Variants in RAB30 observed in about 807,000 individuals in gnomAD.
RAB30 encodes ras-related protein Rab-30.
RAB30 carries 9 observed loss-of-function variants against 25.1 expected under a neutral mutation model. That is an observed-to-expected ratio of 0.36 (90% CI 0.22 to 0.63). RAB30 has a LOEUF of 0.63. Ranked by LOEUF, RAB30 falls within the 20% of genes least tolerant of loss-of-function variation. RAB30 has a pLI of 0.69. For missense variants in RAB30, 140 were observed against 243.5 expected, an observed-to-expected ratio of 0.58 and a Z score of 2.83; for synonymous variants, 77 against 86.4, an observed-to-expected ratio of 0.89 and a Z score of 0.60.
At chr11:83,001,046 CAAAAAA>C (rs1181057652) in intron 1 of RAB30, among the ~76,000 whole-genome samples, 15 of 53,638 alleles carry the variant, frequency 2.8e-4, no homozygotes, top group African/African-American at 1.1e-3. Flanking sequence ...GACTCCGTCT[CAAAAAA>C]AAAAAAAAAA....
chr11:83,045,449 C>T (rs1858215648), intron 1 of RAB30, among the ~76,000 whole-genome samples: 2 of 152,084 alleles, frequency 1.3e-5, no homozygotes, highest in African/African-American at 4.8e-5. Flanking sequence ...ATTTATTGAA[C>T]AAATTGTATA....
rs1856531784 is a variant in RAB30 at position 82,975,558 on chromosome 11, T to A, written c.*6607A>T. ...TGGTAATTATGTACATCAAATAATG[T>A]CATATATGAAATTAAAAGCAGATCA... On this transcript the variant is annotated 3_prime_UTR_variant, in exon 5 of 5. Transcript: ENST00000527633. 6.6e-6 allele frequency: 1 copy of A among 152,180 alleles called. No homozygotes were observed. The highest frequency in any genetic ancestry group is 6.6e-5 in the Admixed American group (1 of 15,266). The allele number at this position is 152,180 out of a possible 1,614,324, so 9.4% of individuals were successfully genotyped here.
intron 1 of RAB30, among the ~76,000 whole-genome samples, chr11:83,056,306 A>C (rs1858458071): frequency 6.6e-6 from 1 of 152,124 alleles, no homozygotes; most frequent in African/African-American, 2.4e-5. Context: ...CTTTTATTTC[A>C]CTTAGCATAA....
chr11:83,037,319 G>A (rs1590868508), intron 1 of RAB30, among the ~76,000 whole-genome samples: 1 of 151,194 alleles, frequency 6.6e-6, no homozygotes, highest in South Asian at 2.1e-4. Flanking sequence ...GTGTGATCTC[G>A]GCTCACTGCA....
intron 1 of RAB30, among the ~76,000 whole-genome samples, chr11:83,016,121 G>T (rs991289357): frequency 6.6e-6 from 1 of 152,134 alleles, no homozygotes; most frequent in Non-Finnish European, 1.5e-5. Context: ...CTGGGCAACA[G>T]AGTGAGACTC....
intron 4 of RAB30, among the ~76,000 whole-genome samples, chr11:82,986,028 A>C (rs960713950): frequency 3.3e-5 from 5 of 152,196 alleles, no homozygotes; most frequent in African/African-American, 4.8e-5. Context: ...CAAACGAAAA[A>C]AAATCATGAG....
chr11:82,993,857 C>T (rs966842762), intron 3 of RAB30, among the ~76,000 whole-genome samples, 182 bp downstream of exon 3: 4 of 152,196 alleles, frequency 2.6e-5, no homozygotes, highest in African/African-American at 7.2e-5. Flanking sequence ...ACACATCATC[C>T]AAAATTCCTT....
In RAB30 at chr11:82,984,466, T is replaced by C. The variant is rs150506206; in HGVS notation, c.362-2051A>G. On this transcript the variant is annotated intron_variant, in intron 4 of 4. Coordinates refer to ENST00000527633, the MANE Select transcript of RAB30 (RefSeq NM_001286060.2). ...AAATTACGTGGACTGCTACTGGGATTACTTCCACTGAAGAGGGTTGCCGGA... is the reference window on the plus strand; with the variant it reads ...AAATTACGTGGACTGCTACTGGGATCACTTCCACTGAAGAGGGTTGCCGGA... Among the ~76,000 whole-genome samples, 620 of 152,294 alleles carry C rather than the reference T, an allele frequency of 4.1e-3. 6 individuals are homozygous for C. The highest frequency in any genetic ancestry group is 0.014 in the African/African-American group (587 of 41,562).
At chr11:83,018,454 A>T (rs966979388) in intron 1 of RAB30, among the ~76,000 whole-genome samples, 11 of 152,102 alleles carry the variant, frequency 7.2e-5, no homozygotes, top group African/African-American at 2.4e-4. Flanking sequence ...GATGTTGAGC[A>T]CTTTTTCATG....
At chr11:83,015,055 G>C (rs967109974) in intron 1 of RAB30, among the ~76,000 whole-genome samples, 4 of 152,214 alleles carry the variant, frequency 2.6e-5, no homozygotes, top group African/African-American at 7.2e-5. Context: ...AGGTCACATA[G>C]AGCTTGGAAA....
Position 83,027,154 on chromosome 11 carries a change from G to C in RAB30, c.-8-29830C>G, listed in dbSNP as rs558774655. 2.4e-4 allele frequency among the ~76,000 whole-genome samples: 37 copies of C among 152,170 alleles called. 1 individual carries two copies. Among genetic ancestry groups the C allele is most frequent in the Non-Finnish European group, 1.6e-4 (11 of 68,002 alleles). ...TTTGCTTGAAATAATCTGAGGAAGG[G>C]GATTGCGGGATACAAAGCAAACTAA... On this transcript the variant is annotated intron_variant, in intron 1 of 4. Coordinates refer to ENST00000527633, the MANE Select transcript of RAB30 (RefSeq NM_001286060.2).
chr11:83,011,537 A>G (rs987812972), intron 1 of RAB30, among the ~76,000 whole-genome samples: 2 of 152,238 alleles, frequency 1.3e-5, no homozygotes, highest in African/African-American at 4.8e-5. Context: ...AGCCAAGAAC[A>G]TGGCGAGTAC....
At chr11:83,047,750 A>G (rs1858263338) in intron 1 of RAB30, among the ~76,000 whole-genome samples, 1 of 151,956 alleles carries the variant, frequency 6.6e-6, no homozygotes, top group Non-Finnish European at 1.5e-5. Flanking sequence ...GCTGATTCAA[A>G]GGATTTTTTT....
chr11:82,984,463 G>C (rs75933326), intron 4 of RAB30, among the ~76,000 whole-genome samples: 13 of 152,288 alleles, frequency 8.5e-5, no homozygotes, highest in African/African-American at 3.1e-4. Flanking sequence ...CTGCTACTGG[G>C]ATTACTTCCA....
Position 82,980,197 on chromosome 11 carries a change from G to C in RAB30, c.*1968C>G, listed in dbSNP as rs1856614566. On this transcript the variant is annotated 3_prime_UTR_variant, in exon 5 of 5. Coordinates refer to ENST00000527633, the MANE Select transcript of RAB30 (RefSeq NM_001286060.2). ...TGGCTTAGTGGAGAGGATGGGGAGG[G>C]AAAGGCAACAATTATTATAAATTAT... The C allele has an allele frequency of 6.6e-6, 1 of 152,150 alleles. No homozygotes were observed. Among genetic ancestry groups the C allele is most frequent in the Non-Finnish European group, 1.5e-5 (1 of 68,028 alleles). 9.4% of individuals were successfully genotyped at this position (152,150 alleles called of 1,614,324 possible).
intron 1 of RAB30, among the ~76,000 whole-genome samples, chr11:83,014,936 C>T (rs1040507863): frequency 6.6e-5 from 10 of 152,006 alleles, no homozygotes; most frequent in African/African-American, 2.4e-4. Flanking sequence ...TCAGCAAGTA[C>T]AGGGGCCCTA....
chr11:83,019,729 T>C (rs1565279067), intron 1 of RAB30, among the ~76,000 whole-genome samples: 1 of 152,144 alleles, frequency 6.6e-6, no homozygotes, highest in African/African-American at 2.4e-5. Flanking sequence ...AATATCAGAG[T>C]GGGAGCAAGA....
chr11:83,062,182 G>T (rs1334264378), intron 1 of RAB30, among the ~76,000 whole-genome samples: 1 of 152,104 alleles, frequency 6.6e-6, no homozygotes, highest in Non-Finnish European at 1.5e-5. Context: ...CAGAGTGGGA[G>T]GGGAGGGCTA....
chr11:82,993,314 G>A (rs1413649760), intron 3 of RAB30, among the ~76,000 whole-genome samples: 1 of 152,164 alleles, frequency 6.6e-6, no homozygotes, highest in African/African-American at 2.4e-5. Context: ...TTATCTATGT[G>A]TAGCCATGGA....
Sources: allele counts gnomAD v4.1 joint callset (sites outside exome capture counted in the v4.1 genomes callset), GRCh38; gene constraint gnomAD v4.1.1; transcripts MANE v1.5; gene names NCBI Gene and HGNC (gene_info 2026-07-23, HGNC 2026-07-21).